The following RANBP2 variants were observed in gnomAD, a reference collection of about 807,000 sequenced individuals.
The protein encoded by RANBP2 is E3 SUMO-protein ligase RanBP2.
RANBP2 carries 57 observed loss-of-function variants against 303.6 expected under a neutral mutation model. That is an observed-to-expected ratio of 0.19 (90% CI 0.15 to 0.23). RANBP2 has a LOEUF of 0.23. Among genes scored for constraint, RANBP2 ranks in the 10% least tolerant of loss-of-function variants. RANBP2 has a pLI of 1.00. For missense variants in RANBP2, 3,138 were observed against 3,780.8 expected (o/e 0.83, Z 4.46); for synonymous variants, 1,167 against 1,301.5 (o/e 0.90, Z 2.23).
the RANBP2 span, among the ~76,000 whole-genome samples, chr2:109,252,325 G>T: frequency 1.3e-5 from 2 of 151,692 alleles, no homozygotes; most frequent in South Asian, 2.1e-4. Flanking sequence ...AGTTTACATT[G>T]TTCAACAGAA....
At chr2:109,544,786 C>CA in the RANBP2 span, 1 of 808,138 alleles carries the variant, frequency 1.2e-6, no homozygotes, top group Non-Finnish European at 1.5e-6. Context: ...TTTATTCTTT[C>CA]AAAAATAATT....
At chr2:108,783,569 CTTT>C in intron 28 of RANBP2, 24 bp from the exon 29 acceptor site, 1 of 1,563,466 alleles carries the variant, frequency 6.4e-7, no homozygotes, top group Non-Finnish European at 8.7e-7. Flanking sequence ...AAATTTTTAA[CTTT>C]TTTATTATAA....
the RANBP2 span, among the ~76,000 whole-genome samples, chr2:109,241,139 ACAGT>A: frequency 5.3e-5 from 8 of 152,378 alleles, no homozygotes; most frequent in Admixed American, 1.3e-4. Flanking sequence ...AAATTAGTCG[ACAGT>A]CAATGATGAC....
chr2:109,358,118 A>C, the RANBP2 span, among the ~76,000 whole-genome samples: 1 of 152,176 alleles, frequency 6.6e-6, no homozygotes, highest in Non-Finnish European at 1.5e-5. Flanking sequence ...TTCCTTTCCC[A>C]GAACGTCATA....
intron 15 of RANBP2, among the ~76,000 whole-genome samples, chr2:108,754,291 T>C (rs1016953853): frequency 6.6e-6 from 1 of 151,516 alleles, no homozygotes; most frequent in Non-Finnish European, 1.5e-5. Flanking sequence ...GACTAATTCT[T>C]AATGAACTTT....
chr2:109,211,788 G>A, the RANBP2 span, among the ~76,000 whole-genome samples: 10 of 152,086 alleles, frequency 6.6e-5, no homozygotes. Flanking sequence ...TGGGATTACA[G>A]GCATTCACCA....
At chr2:109,620,531 G>C in the RANBP2 span, among the ~76,000 whole-genome samples, 1 of 152,124 alleles carries the variant, frequency 6.6e-6, no homozygotes, top group African/African-American at 2.4e-5. Context: ...GTGAAACCCA[G>C]TCTCTACAAA....
chr2:109,129,120 GCGCCCCGGC>G, the RANBP2 span: 1 of 344,288 alleles, frequency 2.9e-6, no homozygotes, highest in Non-Finnish European at 5.6e-6. Context: ...CGTGCACGCC[GCGCCCCGGC>G]CTCCCCGGGG....
At chr2:109,430,680 G>GCC in the RANBP2 span, among the ~76,000 whole-genome samples, 1 of 152,180 alleles carries the variant, frequency 6.6e-6, no homozygotes, top group African/African-American at 2.4e-5. Flanking sequence ...TTTCCTCTAT[G>GCC]GTGATGGGAA....
chr2:109,180,451 C>T, the RANBP2 span, among the ~76,000 whole-genome samples: 14 of 152,166 alleles, frequency 9.2e-5, no homozygotes, highest in Non-Finnish European at 1.8e-4. Flanking sequence ...CAGGTGACTT[C>T]CCCTGGCCCA....
At chr2:109,596,314 G>A in the RANBP2 span, among the ~76,000 whole-genome samples, 8 of 152,184 alleles carry the variant, frequency 5.3e-5, no homozygotes, top group Non-Finnish European at 1.0e-4. Flanking sequence ...AATTTGCTTA[G>A]AAAAAAATTA....
the RANBP2 span, among the ~76,000 whole-genome samples, chr2:108,980,993 C>T: frequency 1.3e-5 from 2 of 152,048 alleles, no homozygotes; most frequent in Non-Finnish European, 2.9e-5. Flanking sequence ...GGAATGACTG[C>T]CAGGCAGAGG....
the RANBP2 span, among the ~76,000 whole-genome samples, chr2:109,476,556 C>G: frequency 1.4e-4 from 21 of 152,220 alleles, no homozygotes; most frequent in Non-Finnish European, 2.4e-4. Flanking sequence ...AGATACTGGA[C>G]TTTCCTCTAA....
At chr2:109,440,901 C>G in the RANBP2 span, among the ~76,000 whole-genome samples, 1 of 152,050 alleles carries the variant, frequency 6.6e-6, no homozygotes, top group East Asian at 1.9e-4. Context: ...CTAACAGTGC[C>G]CAGAATACAC....
the RANBP2 span, among the ~76,000 whole-genome samples, chr2:109,007,575 A>G: frequency 1.4e-4 from 22 of 152,220 alleles, no homozygotes; most frequent in African/African-American, 1.2e-4. Flanking sequence ...CACAGATATC[A>G]GGAGCAGATG....
At chr2:109,154,358 A>C in the RANBP2 span, among the ~76,000 whole-genome samples, 1 of 152,100 alleles carries the variant, frequency 6.6e-6, no homozygotes, top group South Asian at 2.1e-4. Context: ...GTTTTGGGGA[A>C]GCTTCTGGGT....
the RANBP2 span, among the ~76,000 whole-genome samples, chr2:108,919,374 T>C: frequency 6.6e-6 from 1 of 152,148 alleles, no homozygotes; most frequent in Non-Finnish European, 1.5e-5. Flanking sequence ...TTTATTTATT[T>C]AGAGGCGGAG....
the RANBP2 span, among the ~76,000 whole-genome samples, chr2:109,496,054 G>C: frequency 4.4e-3 from 669 of 152,288 alleles, 5 homozygotes; most frequent in African/African-American, 0.015. Context: ...GGGACCCACC[G>C]GGTTGCCCTG....
chr2:109,662,560 G>T, the RANBP2 span, among the ~76,000 whole-genome samples: 3 of 151,416 alleles, frequency 2.0e-5, no homozygotes. Context: ...TTATATTTTT[G>T]TGTTTTTAGC....
Sources: gnomAD v4.1 joint callset for allele counts (sites outside exome capture counted in the v4.1 genomes callset) on GRCh38, gnomAD v4.1.1 for gene constraint, MANE v1.5 for transcripts, NCBI Gene and HGNC (gene_info 2026-07-23, HGNC 2026-07-21) for gene names.